Variants in CNTN4 observed in about 807,000 individuals in gnomAD.
CNTN4 encodes contactin-4.
CNTN4 carries 77 observed loss-of-function variants against 122.5 expected under a neutral mutation model. The ratio of observed to expected loss-of-function variants is 0.63; its 90% CI spans 0.52 to 0.76. CNTN4 has a LOEUF of 0.76. CNTN4 is among the 30% of genes least tolerant of loss of function. The pLI is 0.00. For missense variants in CNTN4, 1,256 were observed against 1,259.1 expected (o/e 1.00, Z 0.04); for synonymous variants, 512 against 447.0 (o/e 1.15, Z -1.83).
At chr3:2,912,772 T>TA (rs1177089562) in intron 12 of CNTN4, among the ~76,000 whole-genome samples, 1 of 152,228 alleles carries the variant, frequency 6.6e-6, no homozygotes, top group Non-Finnish European at 1.5e-5. Context: ...GCTATATAAT[T>TA]ACAGTGGTAA....
At chr3:3,019,466 A>T (rs936346135) in intron 14 of CNTN4, among the ~76,000 whole-genome samples, 1 of 150,976 alleles carries the variant, frequency 6.6e-6, no homozygotes, top group African/African-American at 2.4e-5. Context: ...TAGTTTTTGT[A>T]TTTTTTTTAG....
intron 7 of CNTN4, among the ~76,000 whole-genome samples, chr3:2,824,471 C>G (rs895524400): frequency 1.9e-4 from 28 of 151,114 alleles, no homozygotes; most frequent in African/African-American, 5.3e-4. Flanking sequence ...AAAACAAAAA[C>G]AAAAACAAAA....
At chr3:2,259,624 A>C (rs1575195141) in intron 2 of CNTN4, among the ~76,000 whole-genome samples, 1 of 152,218 alleles carries the variant, frequency 6.6e-6, no homozygotes. Context: ...AGCGCCAAGC[A>C]AAAAGGGAAT....
At chr3:2,669,963 T>G in intron 4 of CNTN4, among the ~76,000 whole-genome samples, 1 of 152,224 alleles carries the variant, frequency 6.6e-6, no homozygotes, top group African/African-American at 2.4e-5. Flanking sequence ...ACAGACAATT[T>G]GTTATAATTT....
At chr3:2,787,600 T>A (rs1227995119) in intron 6 of CNTN4, among the ~76,000 whole-genome samples, 1 of 152,184 alleles carries the variant, frequency 6.6e-6, no homozygotes, top group East Asian at 1.9e-4. Flanking sequence ...TGGAATTGGA[T>A]TCCCTGAATT....
At chr3:2,518,164 T>C (rs1054349217) in intron 3 of CNTN4, among the ~76,000 whole-genome samples, 3 of 152,166 alleles carry the variant, frequency 2.0e-5, no homozygotes, top group Non-Finnish European at 4.4e-5. Flanking sequence ...GGCTTTACTT[T>C]TAAACTTTCT....
chr3:2,856,483 G>T (rs1244727531), intron 7 of CNTN4, among the ~76,000 whole-genome samples: 1 of 152,190 alleles, frequency 6.6e-6, no homozygotes, highest in Admixed American at 6.5e-5. Flanking sequence ...CACACAAGGG[G>T]ATCAGTGACT....
At chr3:2,103,113 A>G (rs1298715320) in intron 2 of CNTN4, among the ~76,000 whole-genome samples, 2 of 152,098 alleles carry the variant, frequency 1.3e-5, no homozygotes, top group Non-Finnish European at 2.9e-5. Flanking sequence ...TTTGTTCATC[A>G]TAGCTAGTAA....
At chr3:2,945,166 C>G (rs555844069) in intron 13 of CNTN4, among the ~76,000 whole-genome samples, 1 of 152,252 alleles carries the variant, frequency 6.6e-6, no homozygotes, top group Admixed American at 6.5e-5. Context: ...GGGTAGAGTA[C>G]TCTTTCCTAT....
chr3:2,286,236 G>GCCCC (rs34154954), intron 2 of CNTN4, among the ~76,000 whole-genome samples: 4 of 136,630 alleles, frequency 2.9e-5, no homozygotes, highest in South Asian at 2.4e-4. Context: ...TACACCCCCT[G>GCCCC]CCCCCCCCAC....
At chr3:2,309,167 T>C (rs1005389139) in intron 2 of CNTN4, among the ~76,000 whole-genome samples, 4 of 152,102 alleles carry the variant, frequency 2.6e-5, no homozygotes, top group African/African-American at 9.7e-5. Flanking sequence ...AGTTTATAGG[T>C]ATTATTTTTT....
At chr3:2,192,064 C>G (rs890628773) in intron 2 of CNTN4, among the ~76,000 whole-genome samples, 5 of 151,700 alleles carry the variant, frequency 3.3e-5, no homozygotes, top group Admixed American at 6.6e-5. Flanking sequence ...TGAACTCATC[C>G]TTTTTTATGG....
At chr3:2,337,903 T>G (rs2044020779) in intron 2 of CNTN4, among the ~76,000 whole-genome samples, 1 of 152,076 alleles carries the variant, frequency 6.6e-6, no homozygotes, top group Admixed American at 6.6e-5. Flanking sequence ...AAATAGAGCT[T>G]TAGTTTTACA....
chr3:3,015,771 G>A (rs1697699654), intron 14 of CNTN4, among the ~76,000 whole-genome samples: 1 of 152,194 alleles, frequency 6.6e-6, no homozygotes, highest in Non-Finnish European at 1.5e-5. Context: ...GGAAGGCATT[G>A]TCTTTGGAAT....
chr3:2,099,583 C>G (rs977564329), intron 1 of CNTN4: 2 of 153,514 alleles, frequency 1.3e-5, no homozygotes, highest in East Asian at 1.9e-4. Flanking sequence ...CGCTGGGTGC[C>G]GGGCTGGCTG....
intron 2 of CNTN4, among the ~76,000 whole-genome samples, chr3:2,312,207 A>G (rs1176009209): frequency 6.6e-6 from 1 of 152,046 alleles, no homozygotes; most frequent in Non-Finnish European, 1.5e-5. Context: ...ACATATTGCT[A>G]TGACCAGTGG....
chr3:2,408,783 C>T (rs1318550377), intron 3 of CNTN4, among the ~76,000 whole-genome samples: 1 of 152,116 alleles, frequency 6.6e-6, no homozygotes, highest in African/African-American at 2.4e-5. Flanking sequence ...TAGTAGATGT[C>T]AGTGTCATCA....
chr3:2,141,386 C>T (rs2034987443), intron 2 of CNTN4, among the ~76,000 whole-genome samples: 1 of 152,030 alleles, frequency 6.6e-6, no homozygotes, highest in Admixed American at 6.6e-5. Context: ...GAAAGAGGAC[C>T]ATAAGCCAAG....
At chr3:2,557,866 T>G (rs2149402972) in intron 3 of CNTN4, among the ~76,000 whole-genome samples, 1 of 152,324 alleles carries the variant, frequency 6.6e-6, no homozygotes, top group Admixed American at 6.5e-5. Flanking sequence ...CTATATTGAT[T>G]GCATCTTGGG....
Sources: allele counts gnomAD v4.1 joint callset (sites outside exome capture counted in the v4.1 genomes callset), GRCh38; gene constraint gnomAD v4.1.1; transcripts MANE v1.5; gene names NCBI Gene and HGNC (gene_info 2026-07-23, HGNC 2026-07-21).